Variants in ALDH3A2 observed in about 807,000 individuals in gnomAD.
The protein encoded by ALDH3A2 is aldehyde dehydrogenase family 3 member A2.
In ALDH3A2, 36 loss-of-function variants were observed where a neutral mutation model predicts 51.3. The observed-to-expected ratio is 0.70, with a 90% CI of 0.54 to 0.93. ALDH3A2 has a LOEUF of 0.93. Among genes scored for constraint, ALDH3A2 ranks in the 40% least tolerant of loss-of-function variants. The pLI, the probability that ALDH3A2 is intolerant of heterozygous loss-of-function variation, is 0.00. For missense variants in ALDH3A2, 552 were observed against 603.1 expected (o/e 0.92, Z 0.89); for synonymous variants, 199 against 219.8 (o/e 0.91, Z 0.84).
chr17:19,654,626 G>A lies in ALDH3A2; in HGVS notation c.472-1740G>A, dbSNP rs923848735. On this transcript the variant is annotated intron_variant, in intron 3 of 9. Coordinates refer to ENST00000176643, the MANE Select transcript of ALDH3A2 (RefSeq NM_000382.3). This position sits in a 1 kb window ranked among gnomAD's most constrained non-coding sequence, Gnocchi z 4.5. ...CTGCTCCGAGTGTGGGGCCCATTGA[G>A]CCTGCGCCCACCCAGAACTCGCTCT... is the stretch of plus-strand genomic sequence containing the variant. Among the ~76,000 whole-genome samples the A allele has an allele frequency of 6.6e-4, 101 of 152,204 alleles. No individual in the cohort carries two copies. Among genetic ancestry groups the A allele is most frequent in the African/African-American group, 2.3e-3 (97 of 41,546 alleles).
intron 9 of ALDH3A2, among the ~76,000 whole-genome samples, chr17:19,672,683 T>C (rs1356327785): frequency 6.6e-6 from 1 of 152,202 alleles, no homozygotes; most frequent in African/African-American, 2.4e-5. Context: ...TTGAAAATAT[T>C]GACCATATCA....
chr17:19,659,481 A>G (rs1440847816), intron 5 of ALDH3A2: 3 of 152,196 alleles, frequency 2.0e-5, no homozygotes, highest in Admixed American at 6.5e-5. Context: ...CAAGGCTGCA[A>G]TGAGCCATTA....
chr17:19,675,492 C>T, intron 9 of ALDH3A2, 66 bp from the exon 10 acceptor site: 1 of 1,543,370 alleles, frequency 6.5e-7, no homozygotes, highest in Non-Finnish European at 9.0e-7. Flanking sequence ...GCTTGTGTTG[C>T]AAGGCTGGTT....
At chr17:19,665,375 TCG>T (rs1491362350) in intron 8 of ALDH3A2, among the ~76,000 whole-genome samples, 9 of 116,410 alleles carry the variant, frequency 7.7e-5, no homozygotes, top group Non-Finnish European at 1.2e-4. Context: ...AGATCTCTCT[TCG>T]TGTGTGTGTG....
At chr17:19,648,659 G>A (rs1012841980), upstream of ALDH3A2, 15 of 447,090 alleles carry the variant, frequency 3.4e-5, no homozygotes, top group Non-Finnish European at 5.3e-5. Flanking sequence ...CCAGAGCCGG[G>A]GAGAGGGCGG....
chr17:19,661,505 C>T (rs759205687), intron 6 of ALDH3A2: 21 of 496,586 alleles, frequency 4.2e-5, no homozygotes, highest in African/African-American at 9.7e-5. Flanking sequence ...TTACACATAA[C>T]TCCTTTTTTC....
At chr17:19,651,300 T>A (rs1301396663) in intron 1 of ALDH3A2, among the ~76,000 whole-genome samples, 1 of 152,248 alleles carries the variant, frequency 6.6e-6, no homozygotes, top group African/African-American at 2.4e-5. Context: ...AAGGATTTAC[T>A]AATGGTATTC....
upstream of ALDH3A2, chr17:19,648,630 C>T (rs141119627): frequency 1.6e-5 from 6 of 385,792 alleles, no homozygotes; most frequent in South Asian, 1.6e-4. Flanking sequence ...CACTCCACCC[C>T]CTACATCCCA....
intron 2 of ALDH3A2, 90 bp from the exon 3 acceptor site, chr17:19,652,457 T>C (rs2084828691): frequency 1.1e-6 from 1 of 921,624 alleles, no homozygotes; most frequent in Non-Finnish European, 1.8e-6. Context: ...TAATTGGGAG[T>C]ACCTAGCCTG....
chr17:19,661,383 T>C, intron 6 of ALDH3A2, 115 bp downstream of exon 6: 1 of 1,231,452 alleles, frequency 8.1e-7, no homozygotes, highest in Non-Finnish European at 1.2e-6. Context: ...GTTAAAGTAC[T>C]AAATCCTGCT....
At chr17:19,667,663 A>G (rs1044162782) in intron 8 of ALDH3A2, among the ~76,000 whole-genome samples, 2 of 152,100 alleles carry the variant, frequency 1.3e-5, no homozygotes, top group African/African-American at 4.8e-5. Flanking sequence ...GGTTCTAGCA[A>G]TTCTCCTGGC....
chr17:19,664,362 G>A lies in ALDH3A2; in HGVS notation c.1108-586G>A, dbSNP rs149764877. Among the ~76,000 whole-genome samples, 350 of 152,284 alleles carry A rather than the reference G, an allele frequency of 2.3e-3. 2 individuals are homozygous for A. Among genetic ancestry groups the A allele is most frequent in the African/African-American group, 8.2e-3 (341 of 41,560 alleles). On this transcript the variant is annotated intron_variant, in intron 7 of 9. Coordinates refer to ENST00000176643, the MANE Select transcript of ALDH3A2 (RefSeq NM_000382.3). The stretch of plus-strand genomic sequence containing the variant: ...GAGGTCACTATAGTCCAGACTTGAC[G>A]TTTGCCATGAACAATTGTCAAGGGC...
intron 5 of ALDH3A2, among the ~76,000 whole-genome samples, chr17:19,659,015 T>C (rs2084933695): frequency 1.3e-5 from 2 of 152,000 alleles, no homozygotes; most frequent in African/African-American, 4.8e-5. Context: ...GTTGATCACT[T>C]GAGGTGAGGA....
At chr17:19,663,226 G>C in intron 6 of ALDH3A2, 107 bp from the exon 7 acceptor site, 1 of 1,296,974 alleles carries the variant, frequency 7.7e-7, no homozygotes, top group Non-Finnish European at 1.1e-6. Context: ...TATGACTTGG[G>C]TGGGAGAGGG....
At chr17:19,648,364 T>C (rs2084762675), upstream of ALDH3A2, 1 of 152,690 alleles carries the variant, frequency 6.5e-6, no homozygotes, top group African/African-American at 2.4e-5. Context: ...CATCTGGCCA[T>C]GTTTGAAGAG....
At chr17:19,670,751 C>T (rs1171065056) in intron 8 of ALDH3A2, among the ~76,000 whole-genome samples, 6 of 152,138 alleles carry the variant, frequency 3.9e-5, no homozygotes, top group Middle Eastern at 3.2e-3. Flanking sequence ...TTAGTAGAGA[C>T]GGGATTTAAC....
chr17:19,653,320 C>T (rs965048834), intron 3 of ALDH3A2, among the ~76,000 whole-genome samples: 13 of 152,144 alleles, frequency 8.5e-5, no homozygotes, highest in Admixed American at 7.2e-4. Flanking sequence ...GCTGGGATTA[C>T]AGGTGTGAGC....
intron 8 of ALDH3A2, among the ~76,000 whole-genome samples, chr17:19,671,290 A>G (rs1170848683): frequency 2.0e-5 from 3 of 152,180 alleles, no homozygotes; most frequent in Non-Finnish European, 2.9e-5. Context: ...TTAGAGTCTG[A>G]TCCAGGTTCG....
In ALDH3A2 at chr17:19,656,977, T is replaced by G. The variant is rs538587223; in HGVS notation, c.680+403T>G. ...CTGATATCTTAACTGAGATCCTTTG[T>G]GGGCAAAACAAGTGTTCCTCATTTT... On this transcript the variant is annotated intron_variant, in intron 4 of 9. Transcript: ENST00000176643. 2.6e-5 allele frequency among the ~76,000 whole-genome samples: 4 copies of G among 152,356 alleles called. No individual in the cohort carries two copies. In the South Asian group the frequency reaches 8.3e-4, roughly 32 times the overall value.
Sources: gnomAD v4.1 joint callset for allele counts (sites outside exome capture counted in the v4.1 genomes callset) on GRCh38, gnomAD v4.1.1 for gene constraint, Gnocchi (gnomAD v3.1) non-coding constraint, MANE v1.5 for transcripts, NCBI Gene and HGNC (gene_info 2026-07-23, HGNC 2026-07-21) for gene names.